The following NBAS variants were observed in gnomAD, a reference collection of about 807,000 sequenced individuals.
NBAS encodes NAG/BC035112 fusion.
In NBAS, 219 loss-of-function variants were observed where a neutral mutation model predicts 302.5. The ratio of observed to expected loss-of-function variants is 0.72; its 90% CI spans 0.65 to 0.81. The LOEUF (loss-of-function observed/expected upper bound fraction) is 0.81, where lower values mean the gene tolerates loss of function less well. Ranked by LOEUF, NBAS falls within the 30% of genes least tolerant of loss-of-function variation. NBAS has a pLI of 0.00. For missense variants in NBAS, 2,932 were observed against 2,841.6 expected, an observed-to-expected ratio of 1.03 and a Z score of -0.72; for synonymous variants, 1,118 against 1,021.6, an observed-to-expected ratio of 1.09 and a Z score of -1.80.
the NBAS span, among the ~76,000 whole-genome samples, chr2:14,818,210 T>C: frequency 6.6e-6 from 1 of 152,148 alleles, no homozygotes; most frequent in African/African-American, 2.4e-5. Context: ...TCGTGTCCAA[T>C]ATGTCATCTT....
At chr2:15,559,102 C>T (rs1477140806) in intron 1 of NBAS, among the ~76,000 whole-genome samples, 2 of 143,764 alleles carry the variant, frequency 1.4e-5, no homozygotes, top group Non-Finnish European at 3.0e-5. Flanking sequence ...ACACAGGACG[C>T]GGGACAATAG....
At chr2:15,107,071 T>C in the NBAS span, among the ~76,000 whole-genome samples, 2 of 152,126 alleles carry the variant, frequency 1.3e-5, no homozygotes, top group Non-Finnish European at 2.9e-5. Flanking sequence ...AAGAAAAATA[T>C]TCAGGCACAG....
chr2:15,275,451 G>C, intron 44 of NBAS, 33 bp downstream of exon 44: 1 of 1,594,506 alleles, frequency 6.3e-7, no homozygotes, highest in Non-Finnish European at 8.6e-7. Context: ...CTTCTACTGT[G>C]CTCAAACCAC....
the NBAS span, among the ~76,000 whole-genome samples, chr2:14,971,623 T>C: frequency 1.3e-5 from 2 of 152,208 alleles, no homozygotes; most frequent in Non-Finnish European, 2.9e-5. Context: ...TGGCCTTCTT[T>C]CTGGCACCAT....
At chr2:14,809,063 G>T in the NBAS span, among the ~76,000 whole-genome samples, 1 of 152,198 alleles carries the variant, frequency 6.6e-6, no homozygotes, top group South Asian at 2.1e-4. Flanking sequence ...AAGCATTCAA[G>T]ATGTGATTTG....
chr2:15,109,102 T>C, the NBAS span, among the ~76,000 whole-genome samples: 1 of 152,140 alleles, frequency 6.6e-6, no homozygotes, highest in Non-Finnish European at 1.5e-5. Context: ...ATAGAGGTTG[T>C]TAAAATGCAT....
At chr2:15,064,238 T>C in the NBAS span, among the ~76,000 whole-genome samples, 5 of 150,706 alleles carry the variant, frequency 3.3e-5, no homozygotes, top group Non-Finnish European at 5.9e-5. Flanking sequence ...ACTGAGTTGG[T>C]TTCCTGAAAA....
At chr2:14,924,714 C>T in the NBAS span, among the ~76,000 whole-genome samples, 4 of 152,138 alleles carry the variant, frequency 2.6e-5, no homozygotes, top group Non-Finnish European at 4.4e-5. Flanking sequence ...CATATTAACT[C>T]CAGTCACGGT....
At chr2:15,516,552 G>A (rs138370053) in intron 9 of NBAS, among the ~76,000 whole-genome samples, 2 of 151,934 alleles carry the variant, frequency 1.3e-5, no homozygotes, top group Non-Finnish European at 1.5e-5. Context: ...GTGAAACCCC[G>A]TCTCTACTAA....
At position 15,532,445 on chromosome 2, in the gene NBAS, C is replaced by G. The variant is rs142927429; in HGVS notation, c.746+2098G>C. The stretch of plus-strand genomic sequence containing the variant: ...CAGAGCTTGCAGTGAGCCGAGATTG[C>G]GCCACTGCACTCCAGCCTGGGCGGC... On this transcript the variant is annotated intron_variant, in intron 9 of 51. Transcript: ENST00000281513. 4.9e-3 allele frequency among the ~76,000 whole-genome samples: 714 copies of G among 145,742 alleles called. 19 individuals carry two copies. The East Asian group carries it at 0.073, about 15-fold the overall frequency.
intron 6 of NBAS, among the ~76,000 whole-genome samples, chr2:15,548,315 TA>T (rs1476980759): frequency 6.6e-6 from 1 of 152,184 alleles, no homozygotes; most frequent in African/African-American, 2.4e-5. Context: ...ATTTACAATC[TA>T]ATTGGGAATC....
intron 38 of NBAS, among the ~76,000 whole-genome samples, chr2:15,317,132 T>TC (rs2148187641): frequency 6.6e-6 from 1 of 152,194 alleles, no homozygotes; most frequent in South Asian, 2.1e-4. Flanking sequence ...TCCAGCAAAC[T>TC]CCAACGGACC....
chr2:15,245,322 G>C (rs1279517740), intron 44 of NBAS, among the ~76,000 whole-genome samples: 1 of 151,944 alleles, frequency 6.6e-6, no homozygotes, highest in African/African-American at 2.4e-5. Context: ...CCCCCTCAGA[G>C]TCTTCACAGT....
intron 21 of NBAS, among the ~76,000 whole-genome samples, chr2:15,448,170 T>C (rs1201112386): frequency 6.6e-6 from 1 of 152,198 alleles, no homozygotes; most frequent in African/African-American, 2.4e-5. Context: ...AGCAATTTCC[T>C]GTTATAATTT....
chr2:15,515,349 G>C (rs1368316144), intron 9 of NBAS, among the ~76,000 whole-genome samples: 4 of 152,164 alleles, frequency 2.6e-5, no homozygotes, highest in African/African-American at 7.2e-5. Flanking sequence ...TTTTTCTTCA[G>C]TTATACATGC....
the NBAS span, among the ~76,000 whole-genome samples, chr2:14,976,056 T>C: frequency 6.6e-6 from 1 of 152,206 alleles, no homozygotes; most frequent in Admixed American, 6.5e-5. Flanking sequence ...CACTACACTA[T>C]GATCCTTGAA....
At chr2:14,970,853 C>T in the NBAS span, among the ~76,000 whole-genome samples, 11 of 152,288 alleles carry the variant, frequency 7.2e-5, no homozygotes, top group East Asian at 1.9e-3. Flanking sequence ...CTCAGTCCCA[C>T]TGGGCTATAG....
At chr2:15,474,411 C>A in intron 14 of NBAS, 87 bp from the exon 15 acceptor site, 1 of 1,338,482 alleles carries the variant, frequency 7.5e-7, no homozygotes, top group South Asian at 1.4e-5. Context: ...ATTTCTAAAT[C>A]TACTCTGGTT....
At chr2:14,935,657 G>T in the NBAS span, among the ~76,000 whole-genome samples, 1 of 151,956 alleles carries the variant, frequency 6.6e-6, no homozygotes, top group Non-Finnish European at 1.5e-5. Context: ...ATGTTTAAAT[G>T]CCCATCATAA....
Sources: allele counts gnomAD v4.1 joint callset (sites outside exome capture counted in the v4.1 genomes callset), GRCh38; gene constraint gnomAD v4.1.1; transcripts MANE v1.5; gene names NCBI Gene and HGNC (gene_info 2026-07-23, HGNC 2026-07-21).